UGT1A8: variants seen among roughly 807,000 people sequenced by gnomAD.
UGT1A8 encodes the protein UDP glucuronosyltransferase family 1 member A8.
Under a neutral mutation model 45.3 loss-of-function variants are expected in UGT1A8, and 39 were observed. The ratio of observed to expected loss-of-function variants is 0.86; its 90% confidence interval spans 0.67 to 1.12. UGT1A8 has a LOEUF of 1.12. UGT1A8 is among the 50% of genes most tolerant of loss of function. The pLI is 0.00. For missense variants in UGT1A8, 719 were observed against 664.9 expected, an observed-to-expected ratio of 1.08 and a Z score of -0.90; for synonymous variants, 275 against 249.2, an observed-to-expected ratio of 1.10 and a Z score of -0.97.
intron 1 of UGT1A8, among the ~76,000 whole-genome samples, chr2:233,707,383 T>C (rs1304644263): frequency 6.6e-6 from 1 of 151,716 alleles, no homozygotes; most frequent in Non-Finnish European, 1.5e-5. Context: ...TCAGCATCCA[T>C]GAGCTATTCT....
intron 1 of UGT1A8, chr2:233,636,393 A>T (rs202177746): frequency 3.4e-6 from 4 of 1,184,212 alleles, no homozygotes; most frequent in Admixed American, 3.3e-5. Context: ...AGTGAGTGTG[A>T]TTTTTTTTTT....
intron 1 of UGT1A8, among the ~76,000 whole-genome samples, chr2:233,666,756 G>T (rs958405148): frequency 2.6e-5 from 4 of 151,488 alleles, no homozygotes; most frequent in African/African-American, 9.7e-5. Flanking sequence ...CCATTAACTC[G>T]TCATTTAACC....
At chr2:233,729,463 A>G (rs369094416) in intron 1 of UGT1A8, 48 of 1,614,060 alleles carry the variant, frequency 3.0e-5, no homozygotes, top group African/African-American at 4.0e-5. Flanking sequence ...ATTTTTCAGA[A>G]GTATGGCAAT....
In UGT1A8 at chr2:233,690,700, G is replaced by A. The variant is rs552015740; in HGVS notation, c.855+72138G>A. The A allele has an allele frequency of 1.2e-4, 152 of 1,232,616 alleles. 2 individuals are homozygous for A. The Admixed American group carries it at 4.7e-3, about 38-fold the overall frequency. 76.4% of individuals were successfully genotyped at this position (1,232,616 alleles called of 1,614,324 possible). On this transcript the variant is annotated intron_variant, in intron 1 of 4. Coordinates refer to ENST00000373450, the MANE Select transcript of UGT1A8 (RefSeq NM_019076.5). ...GGTCTCCAGCGGAGCTACTCTTTAG[G>A]GATCGTCATTATGACGAACAGACAT...
At chr2:233,699,721 T>C (rs1221537846) in intron 1 of UGT1A8, among the ~76,000 whole-genome samples, 1 of 152,232 alleles carries the variant, frequency 6.6e-6, no homozygotes, top group East Asian at 1.9e-4. Flanking sequence ...CAGCATTTTT[T>C]ACGGAGCGTT....
At chr2:233,656,305 A>G (rs966824265) in intron 1 of UGT1A8, among the ~76,000 whole-genome samples, 3 of 152,212 alleles carry the variant, frequency 2.0e-5, no homozygotes, top group Non-Finnish European at 4.4e-5. Flanking sequence ...GTCTCCGTAA[A>G]CTGGCCAGAA....
intron 1 of UGT1A8, among the ~76,000 whole-genome samples, chr2:233,715,449 T>C (rs2076452367): frequency 6.6e-6 from 1 of 152,180 alleles, no homozygotes; most frequent in African/African-American, 2.4e-5. Context: ...TCCTATGTTA[T>C]TTTTTGAATT....
rs996102742 is a variant in UGT1A8 at position 233,755,058 on chromosome 2, G to A, written c.856-11976G>A. The A allele has an allele frequency of 3.7e-6, 5 of 1,333,560 alleles. No homozygotes were observed. In the African/African-American group the frequency reaches 6.0e-5, roughly 16 times the overall value. The allele number at this position is 1,333,560 out of a possible 1,614,324, so 82.6% of individuals were successfully genotyped here. On this transcript the variant is annotated intron_variant, in intron 1 of 4. Transcript: ENST00000373450. The stretch of plus-strand genomic sequence containing the variant: ...GCCTGCGCAGCCGCCCTCCGCCCTC[G>A]CCTCGCCATAGCGGTCATAGATATC...
At chr2:233,771,408 T>C (rs1454905857) in intron 4 of UGT1A8, 2 of 152,208 alleles carry the variant, frequency 1.3e-5, no homozygotes, top group Non-Finnish European at 2.9e-5. Context: ...ATGAACACTG[T>C]CCAGAATAAA....
At chr2:233,714,096 G>A (rs17862870) in intron 1 of UGT1A8, among the ~76,000 whole-genome samples, 15,413 of 152,100 alleles carry the variant, frequency 0.1, 898 homozygotes, top group East Asian at 0.2. Context: ...CAAAGGATGG[G>A]CAAGAGTGGT....
chr2:233,708,133 G>A (rs2076005675), intron 1 of UGT1A8, among the ~76,000 whole-genome samples: 1 of 152,218 alleles, frequency 6.6e-6, no homozygotes, highest in African/African-American at 2.4e-5. Context: ...CTGTGCTCCT[G>A]TGTGGGAGTT....
At chr2:233,645,519 C>T (rs2125469176) in intron 1 of UGT1A8, among the ~76,000 whole-genome samples, 1 of 152,358 alleles carries the variant, frequency 6.6e-6, no homozygotes, top group East Asian at 1.9e-4. Context: ...TTAGTTACTT[C>T]CTAGACACAA....
At chr2:233,729,586 G>A (rs138085546) in intron 1 of UGT1A8, 599 of 1,614,044 alleles carry the variant, frequency 3.7e-4, no homozygotes, top group Non-Finnish European at 4.5e-4. Context: ...AACAGACCCC[G>A]TTAACCTCTG....
At chr2:233,706,654 T>C (rs1204703163) in intron 1 of UGT1A8, among the ~76,000 whole-genome samples, 1 of 152,174 alleles carries the variant, frequency 6.6e-6, no homozygotes, top group Non-Finnish European at 1.5e-5. Flanking sequence ...GCCCCATCAC[T>C]GTAGGTCTGA....
chr2:233,760,577 A>G (rs1222761790), intron 1 of UGT1A8: 2 of 1,614,128 alleles, frequency 1.2e-6, no homozygotes, highest in Non-Finnish European at 1.7e-6. Context: ...AGTCTCGGGC[A>G]TAATGTTTTT....
intron 1 of UGT1A8, among the ~76,000 whole-genome samples, chr2:233,752,942 C>T (rs540473054): frequency 6.6e-6 from 1 of 152,310 alleles, no homozygotes; most frequent in South Asian, 2.1e-4. Context: ...CTTTGCTGAC[C>T]ACTGAACAAT....
At chr2:233,661,044 T>G (rs947375889) in intron 1 of UGT1A8, among the ~76,000 whole-genome samples, 1 of 152,184 alleles carries the variant, frequency 6.6e-6, no homozygotes, top group African/African-American at 2.4e-5. Context: ...TATGCCTTTC[T>G]TATAACCATC....
At chr2:233,718,319 T>C (rs1258120850) in intron 1 of UGT1A8, among the ~76,000 whole-genome samples, 1 of 152,270 alleles carries the variant, frequency 6.6e-6, no homozygotes, top group Non-Finnish European at 1.5e-5. Flanking sequence ...TAGAGAAAGC[T>C]GGCTTAGCAA....
Position 233,617,968 on chromosome 2 carries a change from C to T in UGT1A8, c.261C>T (p.Asp87=). ...YSTSYTLEDL[D]REFMDFADAQ... is the part of the protein sequence containing the mutation. ...CCTCATACACTCTGGAGGATCTGGA[C>T]CGGGAATTCATGGATTTCGCCGATG... Residue 87 remains aspartate (D), a synonymous_variant, in exon 1 of 5, where the codon GAC becomes GAT. Coordinates refer to ENST00000373450, the MANE Select transcript of UGT1A8 (RefSeq NM_019076.5). 3.1e-6 allele frequency: 5 copies of T among 1,614,156 alleles called. No individual in the cohort carries two copies. Among genetic ancestry groups the T allele is most frequent in the Non-Finnish European group, 4.2e-6 (5 of 1,180,038 alleles).
Sources: gnomAD v4.1 joint callset for allele counts (sites outside exome capture counted in the v4.1 genomes callset) on GRCh38, gnomAD v4.1.1 for gene constraint, MANE v1.5 for transcripts, NCBI Gene and HGNC (gene_info 2026-07-23, HGNC 2026-07-21) for gene names.